The following PLEKHH1 variants were observed in gnomAD, a reference collection of about 807,000 sequenced individuals.
The protein encoded by PLEKHH1 is pleckstrin homology, MyTH4 and FERM domain containing H1, also known as pleckstrin homology domain-containing family H member 1.
A neutral mutation model predicts 160.0 loss-of-function variants in PLEKHH1; 104 were observed. The observed-to-expected ratio is 0.65, with a 90% CI of 0.55 to 0.76. PLEKHH1 has a LOEUF of 0.76. Among genes scored for constraint, PLEKHH1 ranks in the 30% least tolerant of loss-of-function variants. The pLI is 0.00. For missense variants in PLEKHH1, 1,427 were observed against 1,724.1 expected, an observed-to-expected ratio of 0.83 and a Z score of 3.05; for synonymous variants, 619 against 678.4, an observed-to-expected ratio of 0.91 and a Z score of 1.36.
At chr14:67,567,555 A>T (rs1323062816) in intron 7 of PLEKHH1, among the ~76,000 whole-genome samples, 1 of 151,858 alleles carries the variant, frequency 6.6e-6, no homozygotes, top group Admixed American at 6.6e-5. Context: ...GAGCACAGAA[A>T]CTCCCTGCCC....
In PLEKHH1 at chr14:67,578,559, C is replaced by T. The variant is rs1260661476; in HGVS notation, c.2777C>T (p.Ala926Val). ...MQCWQLLALC[A>V]PLFLPQHHFL... is the part of the protein sequence containing the mutation. ...TGCTGGCAGCTCCTCGCTCTGTGTG[C>T]TCCACTTTTCCTGCCTCAGCATCAC... is the stretch of plus-strand genomic sequence containing the variant. Residue 926 changes from alanine to valine, a missense_variant, in exon 20 of 29, where the codon GCT becomes GTT. Physicochemically the swap from Ala to Val is moderately conservative, Grantham distance 64. Around this residue, in one of 6 missense-constraint regions of PLEKHH1, gnomAD observed 436 missense variants for 607.5 expected, o/e 0.72. Transcript: ENST00000329153. The surrounding 1 kb of genome is among the most constrained non-coding windows in gnomAD (Gnocchi z 5.0). 2 of 1,611,284 alleles carry T rather than the reference C, an allele frequency of 1.2e-6. No homozygotes were observed. The highest frequency in any genetic ancestry group is 1.7e-5 in the Admixed American group (1 of 59,758).
At chr14:67,583,711 G>A (rs779382690) in intron 24 of PLEKHH1, 30 bp from the exon 25 acceptor site, 9 of 1,586,104 alleles carry the variant, frequency 5.7e-6, no homozygotes, top group Non-Finnish European at 7.7e-6. Context: ...GTCAGATTTT[G>A]ACTGGTCTCT....
chr14:67,574,314 C>T lies in PLEKHH1; in HGVS notation c.1999C>T (p.Leu667Phe). The change falls in exon 14 of 29, where the codon CTC (leucine) becomes TTC (phenylalanine). Residue 667 changes from leucine (L) to phenylalanine (F), a missense_variant. Physicochemically the swap from Leu to Phe is conservative, Grantham distance 22. This residue lies in a region of PLEKHH1 where 831 missense variants were observed against 929.2 expected (regional missense o/e 0.89). Transcript: ENST00000329153. This position sits in a 1 kb window ranked among gnomAD's most constrained non-coding sequence, Gnocchi z 4.2. The part of the protein sequence containing the change: ...PSLLEEWIRV[L>F]QSLLKVQATG... The stretch of plus-strand genomic sequence containing the variant: ...CCTGCTGGAGGAGTGGATCCGAGTA[C>T]TCCAGAGCCTGCTGAAGGTGCAGGC... The T allele has an allele frequency of 6.2e-7, 1 of 1,606,070 alleles. No individual in the cohort carries two copies. The highest frequency in any genetic ancestry group is 8.5e-7 in the Non-Finnish European group (1 of 1,176,358).
rs1333882097 is a variant in PLEKHH1 at position 67,576,007 on chromosome 14, T to C, written c.2352+2T>C. Reference sequence around the variant, plus strand: ...CTCATTGGCACCAAGCATGAAAAGGTAAGGAAGAGGGCTGGGCCTCCAGGG... The same window carrying C: ...CTCATTGGCACCAAGCATGAAAAGGCAAGGAAGAGGGCTGGGCCTCCAGGG... On this transcript the variant is annotated splice_donor_variant, in intron 16 of 28. Transcript: ENST00000329153. LOFTEE classifies it high-confidence loss of function. The surrounding 1 kb of genome is among the most constrained non-coding windows in gnomAD (Gnocchi z 4.0). The C allele has an allele frequency of 6.2e-7, 1 of 1,606,918 alleles. No individual in the cohort carries two copies. The highest frequency in any genetic ancestry group is 2.2e-5 in the East Asian group (1 of 44,674).
Position 67,578,234 on chromosome 14 carries a change from C to T in PLEKHH1, c.2751+35C>T, listed in dbSNP as rs1442401442. 2 of 1,593,852 alleles carry T rather than the reference C, an allele frequency of 1.3e-6. No individual in the cohort carries two copies. Among genetic ancestry groups the T allele is most frequent in the Non-Finnish European group, 1.7e-6 (2 of 1,164,384 alleles). The stretch of plus-strand genomic sequence containing the variant: ...CCAGGGGTGGAGCAGCTGACAGAAG[C>T]CATTGGCAAGGGCTGCCAGGTGGGA... On this transcript the variant is annotated intron_variant, in intron 19 of 28. Transcript: ENST00000329153. The surrounding 1 kb of genome is among the most constrained non-coding windows in gnomAD (Gnocchi z 5.0).
At chr14:67,556,855 T>C (rs1347295800) in intron 3 of PLEKHH1, among the ~76,000 whole-genome samples, 1 of 152,190 alleles carries the variant, frequency 6.6e-6, no homozygotes, top group African/African-American at 2.4e-5. Flanking sequence ...TTGAGAAATA[T>C]GGGTCAGCAC....
At chr14:67,547,683 C>G (rs1390887690) in intron 2 of PLEKHH1, among the ~76,000 whole-genome samples, 2 of 152,212 alleles carry the variant, frequency 1.3e-5, no homozygotes, top group African/African-American at 2.4e-5. Flanking sequence ...GGGACCATCT[C>G]TGCTTAGGAT....
At chr14:67,534,131 A>T (rs1007423955) in intron 1 of PLEKHH1, among the ~76,000 whole-genome samples, 1 of 152,224 alleles carries the variant, frequency 6.6e-6, no homozygotes. Context: ...GAGAATTATC[A>T]GTTCCTTCAT....
Position 67,578,132 on chromosome 14 carries a change from G to A in PLEKHH1, c.2684G>A (p.Ser895Asn). The A allele has an allele frequency of 1.2e-6, 2 of 1,613,974 alleles. No homozygotes were observed. The highest frequency in any genetic ancestry group is 1.7e-6 in the Non-Finnish European group (2 of 1,179,878). The change falls in exon 19 of 29, where the codon AGT becomes AAT. Residue 895 changes from serine to asparagine, a missense_variant. Ser to Asn is a conservative substitution (Grantham distance 46). This residue lies in a region of PLEKHH1 where 436 missense variants were observed against 607.5 expected (regional missense o/e 0.72). Transcript: ENST00000329153. The surrounding 1 kb of genome is among the most constrained non-coding windows in gnomAD (Gnocchi z 5.0). ...QVCLVHPELQ[S>N]EIYCQLMKQT... The stretch of plus-strand genomic sequence containing the variant: ...TGCCTGGTTCACCCCGAGCTGCAGA[G>A]TGAGATCTACTGCCAACTCATGAAG...
chr14:67,585,899 C>T (rs2036136229), intron 27 of PLEKHH1, 52 bp from the exon 28 acceptor site: 1 of 1,567,140 alleles, frequency 6.4e-7, no homozygotes, highest in East Asian at 2.2e-5. Context: ...TGGTTCCTAG[C>T]TCAGGGGACA....
chr14:67,560,185 GC>G (rs2034774087), intron 5 of PLEKHH1, among the ~76,000 whole-genome samples: 1 of 152,052 alleles, frequency 6.6e-6, no homozygotes, highest in African/African-American at 2.4e-5. Context: ...GCACCACCAT[GC>G]CCAGCTAATT....
At chr14:67,558,639 AAAAGG>A (rs1251895270) in intron 4 of PLEKHH1, among the ~76,000 whole-genome samples, 1 of 152,212 alleles carries the variant, frequency 6.6e-6, no homozygotes, top group Admixed American at 6.5e-5. Flanking sequence ...CTCATAAAAG[AAAAGG>A]CACTGTTTTG....
In PLEKHH1 at chr14:67,562,157, C is replaced by T. The variant is rs368366400; in HGVS notation, c.526C>T (p.Arg176Trp). ...ALEAIQIAPSRKLLVPPYGAA... is the reference protein window; with the variant it reads ...ALEAIQIAPSWKLLVPPYGAA... ...CACAGCTATTCAGATAGCTCCTTCA[C>T]GGAAGCTGCTGGTGCCCCCCTACGG... Residue 176 changes from arginine to tryptophan, a missense_variant, in exon 7 of 29, where the codon CGG becomes TGG. Coordinates refer to ENST00000329153, the MANE Select transcript of PLEKHH1 (RefSeq NM_020715.3). The T allele has an allele frequency of 4.4e-5, 71 of 1,611,068 alleles. No homozygotes were observed. In the African/African-American group the frequency reaches 5.7e-4, roughly 13 times the overall value.
chr14:67,574,215 C>A lies in PLEKHH1; in HGVS notation c.1927-27C>A. 2 of 1,559,910 alleles carry A rather than the reference C, an allele frequency of 1.3e-6. No homozygotes were observed. The highest frequency in any genetic ancestry group is 1.8e-5 in the Admixed American group (1 of 54,092). Reference sequence around the variant, plus strand: ...TTACTCCATTCTCCCAGCGTGCTGCCCCACCCCCATATCTCGCCCTCCACA... The same window carrying A: ...TTACTCCATTCTCCCAGCGTGCTGCACCACCCCCATATCTCGCCCTCCACA... On this transcript the variant is annotated intron_variant, in intron 13 of 28. Coordinates refer to ENST00000329153, the MANE Select transcript of PLEKHH1 (RefSeq NM_020715.3). This position sits in a 1 kb window ranked among gnomAD's most constrained non-coding sequence, Gnocchi z 4.2.
In PLEKHH1 at chr14:67,548,401, A is replaced by G. The variant is rs60455141; in HGVS notation, c.126+6408A>G. 2.1e-4 allele frequency among the ~76,000 whole-genome samples: 32 copies of G among 152,348 alleles called. No individual in the cohort carries two copies. In the East Asian group the frequency reaches 6.0e-3, roughly 28 times the overall value. ...TGCCAAAAGGGCTTTGAGGGTATTA[A>G]TAAAAGAAGAAATAGGCCAGGAGTG... On this transcript the variant is annotated intron_variant, in intron 2 of 28. Transcript: ENST00000329153.
chr14:67,581,982 T>G (rs2035922896), intron 23 of PLEKHH1, 87 bp from the exon 24 acceptor site: 2 of 1,320,220 alleles, frequency 1.5e-6, no homozygotes, highest in African/African-American at 3.0e-5. Context: ...TTTATCTTTT[T>G]GGAAATAAAG....
rs1170132022 is a variant in PLEKHH1 at position 67,582,730 on chromosome 14, G to A, written c.3426+520G>A. Reference sequence around the variant, plus strand: ...TGGGCGCCTGTAATCCCAGCTACTCGGCAGGCTGAGGCAGGAGAATCACTT... The same window carrying A: ...TGGGCGCCTGTAATCCCAGCTACTCAGCAGGCTGAGGCAGGAGAATCACTT... On this transcript the variant is annotated intron_variant, in intron 24 of 28. Transcript: ENST00000329153. The surrounding 1 kb of genome is among the most constrained non-coding windows in gnomAD (Gnocchi z 5.0). 3.9e-5 allele frequency among the ~76,000 whole-genome samples: 6 copies of A among 152,048 alleles called. No individual in the cohort carries two copies. Among genetic ancestry groups the A allele is most frequent in the African/African-American group, 1.2e-4 (5 of 41,384 alleles).
Position 67,578,043 on chromosome 14 carries a change from C to G in PLEKHH1, c.2595C>G (p.Asn865Lys), listed in dbSNP as rs143792116. Reference protein sequence around the residue: ...KLFKSCQLFINVPVEAASVDY... With the variant: ...KLFKSCQLFIKVPVEAASVDY... ...CCCAGTCCTGCCAGCTCTTCATCAA[C>G]GTGCCGGTGGAAGCTGCCTCGGTGG... The change falls in exon 19 of 29, where the codon AAC becomes AAG. Residue 865 changes from asparagine to lysine, a missense_variant. By Grantham distance (94) the Asn-to-Lys change is moderately conservative. This residue lies in a region of PLEKHH1 where 436 missense variants were observed against 607.5 expected (regional missense o/e 0.72). Transcript: ENST00000329153. This position sits in a 1 kb window ranked among gnomAD's most constrained non-coding sequence, Gnocchi z 5.0. 5.0e-6 allele frequency: 8 copies of G among 1,613,746 alleles called. No individual in the cohort carries two copies. The highest frequency in any genetic ancestry group is 5.9e-6 in the Non-Finnish European group (7 of 1,179,772).
chr14:67,576,091 A>C lies in PLEKHH1; in HGVS notation c.2352+86A>C. 1 of 1,056,642 alleles carries C rather than the reference A, an allele frequency of 9.5e-7. No individual in the cohort carries two copies. Among genetic ancestry groups the C allele is most frequent in the South Asian group, 1.6e-5 (1 of 62,994 alleles). 65.5% of individuals were successfully genotyped at this position (1,056,642 alleles called of 1,614,324 possible). A position where few individuals can be genotyped will look rare whatever the true frequency, so the allele number is the denominator to read the frequency against. On this transcript the variant is annotated intron_variant, in intron 16 of 28. Coordinates refer to ENST00000329153, the MANE Select transcript of PLEKHH1 (RefSeq NM_020715.3). This position sits in a 1 kb window ranked among gnomAD's most constrained non-coding sequence, Gnocchi z 4.0. ...CTCTCTTTCTCCTGAGCTTCCCAAA[A>C]TTCAAATTTATTTCCTTTTGGACAC...
Sources: gnomAD v4.1 joint callset for allele counts (sites outside exome capture counted in the v4.1 genomes callset) on GRCh38, gnomAD v4.1.1 for gene constraint, gnomAD v4.1.1 regional missense constraint, Gnocchi (gnomAD v3.1) non-coding constraint, MANE v1.5 for transcripts, NCBI Gene and HGNC (gene_info 2026-07-23, HGNC 2026-07-21) for gene names.